The following QDPR variants were observed in gnomAD, a reference collection of about 807,000 sequenced individuals.
QDPR encodes dihydropteridine reductase.
QDPR carries 23 observed loss-of-function variants against 31.7 expected under a neutral mutation model. That is an observed-to-expected ratio of 0.73 (90% CI 0.52 to 1.03). QDPR has a LOEUF of 1.03. QDPR is among the 50% of genes least tolerant of loss of function. The pLI, the probability that QDPR is intolerant of heterozygous loss-of-function variation, is 0.00. For missense variants in QDPR, 324 were observed against 323.8 expected (o/e 1.00, Z 0.00); for synonymous variants, 124 against 124.7 (o/e 0.99, Z 0.03).
intron 4 of QDPR, among the ~76,000 whole-genome samples, chr4:17,500,661 T>C (rs1718529563): frequency 6.6e-6 from 1 of 152,186 alleles, no homozygotes; most frequent in African/African-American, 2.4e-5. Flanking sequence ...TCCAGACTTT[T>C]AGCCTCCAGA....
intron 1 of QDPR, chr4:17,509,947 G>A (rs1718946106): frequency 2.2e-6 from 1 of 456,068 alleles, no homozygotes. Context: ...AGGCTTTGCT[G>A]GCCATATGGT....
intron 2 of QDPR, 109 bp downstream of exon 2, chr4:17,509,161 GA>G: frequency 2.3e-5 from 21 of 912,750 alleles, no homozygotes; most frequent in East Asian, 5.2e-5. Flanking sequence ...CCGTCTCGGG[GA>G]AAAAAAGAAA....
At chr4:17,505,030 A>G (rs962964857) in intron 2 of QDPR, among the ~76,000 whole-genome samples, 1 of 152,190 alleles carries the variant, frequency 6.6e-6, no homozygotes. Flanking sequence ...TATTAAGTAC[A>G]TGGGGGTTCA....
chr4:17,491,642 G>A (rs1718167797), intron 5 of QDPR, among the ~76,000 whole-genome samples: 1 of 151,944 alleles, frequency 6.6e-6, no homozygotes, highest in South Asian at 2.1e-4. Context: ...GAAATGAAGG[G>A]AGAAAAGAAA....
At chr4:17,508,714 T>C (rs1044449766) in intron 2 of QDPR, among the ~76,000 whole-genome samples, 3 of 20,550 alleles carry the variant, frequency 1.5e-4, no homozygotes, top group Admixed American at 1.8e-3. Flanking sequence ...ACATACAATA[T>C]GCATAGAAAA....
At chr4:17,497,232 C>G (rs1718392973) in intron 4 of QDPR, among the ~76,000 whole-genome samples, 2 of 152,046 alleles carry the variant, frequency 1.3e-5, no homozygotes, top group Admixed American at 6.6e-5. Flanking sequence ...CTTTTAGTGC[C>G]ATGTGAATTT....
chr4:17,507,334 G>A (rs767445686), intron 2 of QDPR, among the ~76,000 whole-genome samples: 83 of 152,260 alleles, frequency 5.5e-4, no homozygotes, highest in Non-Finnish European at 9.4e-4. Context: ...GGAAAATAAG[G>A]CGCTTCACAT....
At chr4:17,494,900 C>A (rs780259647) in intron 4 of QDPR, among the ~76,000 whole-genome samples, 5 of 152,180 alleles carry the variant, frequency 3.3e-5, no homozygotes, top group East Asian at 1.9e-4. Context: ...CAAGGCTCTG[C>A]TGAGGATGGA....
intron 4 of QDPR, chr4:17,492,601 C>T (rs1388906848): frequency 3.8e-5 from 20 of 530,770 alleles, no homozygotes; most frequent in Admixed American, 2.9e-4. Context: ...CACAGGCCAC[C>T]GGTGCATCCA....
rs187452383 is a variant in QDPR at position 17,500,646 on chromosome 4, T to C, written c.436+1073A>G. 2.8e-4 allele frequency among the ~76,000 whole-genome samples: 43 copies of C among 152,322 alleles called. No individual in the cohort carries two copies. The East Asian group carries it at 6.2e-3, about 22-fold the overall frequency. On this transcript the variant is annotated intron_variant, in intron 4 of 6. Transcript: ENST00000281243. Reference sequence around the variant, plus strand: ...GAAGGAGCCAGCCCTGCAGATACCTTGATCTCCAGACTTTTAGCCTCCAGA... The same window carrying C: ...GAAGGAGCCAGCCCTGCAGATACCTCGATCTCCAGACTTTTAGCCTCCAGA...
chr4:17,496,903 A>C (rs9995626), intron 4 of QDPR, among the ~76,000 whole-genome samples: 5,635 of 152,138 alleles, frequency 0.037, 367 homozygotes, highest in African/African-American at 0.13. Flanking sequence ...ATTACAGGTG[A>C]CTGCCACAAC....
At position 17,486,862 on chromosome 4, in the gene QDPR, G is replaced by T; in HGVS notation, c.*269C>A. 1 of 486,964 alleles carries T rather than the reference G, an allele frequency of 2.1e-6. No homozygotes were observed. Among genetic ancestry groups the T allele is most frequent in the Non-Finnish European group, 3.7e-6 (1 of 267,684 alleles). The allele number at this position is 486,964 out of a possible 1,614,324, so 30.2% of individuals were successfully genotyped here. A position where few individuals can be genotyped will look rare whatever the true frequency, so the allele number is the denominator to read the frequency against. On this transcript the variant is annotated 3_prime_UTR_variant, in exon 7 of 7. Coordinates refer to ENST00000281243, the MANE Select transcript of QDPR (RefSeq NM_000320.3). ...CACAAAAGCGATCCAACATGACACC[G>T]CTATAGCAGGTGCTATGCAGAGCCC...
At chr4:17,509,992 AC>A (rs1718949148) in intron 1 of QDPR, 1 of 456,166 alleles carries the variant, frequency 2.2e-6, no homozygotes, top group East Asian at 6.9e-5. Context: ...TTGTAACAGA[AC>A]ACAGCAATAA....
At chr4:17,506,469 T>A (rs1718791552) in intron 2 of QDPR, among the ~76,000 whole-genome samples, 1 of 152,180 alleles carries the variant, frequency 6.6e-6, no homozygotes, top group South Asian at 2.1e-4. Flanking sequence ...GAAACTATTT[T>A]GCTTTAAGGC....
intron 2 of QDPR, among the ~76,000 whole-genome samples, chr4:17,508,633 TAAA>T (rs34858847): frequency 7.9e-6 from 1 of 127,096 alleles, no homozygotes; most frequent in Non-Finnish European, 1.7e-5. Context: ...TATTTAAGTA[TAAA>T]AAAAAAAAAA....
In QDPR at chr4:17,512,072, G is replaced by C. The variant is rs1045761449; in HGVS notation, c.-18C>G. On this transcript the variant is annotated 5_prime_UTR_variant, in exon 1 of 7. Transcript: ENST00000281243. ...GCCGCCATCCTGCTCCTGCCAGCCCGGCTCCCGCAGCTCCGAATGCCTCGA... is the reference window on the plus strand; with the variant it reads ...GCCGCCATCCTGCTCCTGCCAGCCCCGCTCCCGCAGCTCCGAATGCCTCGA... 6 of 1,570,784 alleles carry C rather than the reference G, an allele frequency of 3.8e-6. No homozygotes were observed. Among genetic ancestry groups the C allele is most frequent in the South Asian group, 2.3e-5 (2 of 87,394 alleles).
At position 17,509,256 on chromosome 4, in the gene QDPR, C is replaced by A; in HGVS notation, c.198+15G>T. On this transcript the variant is annotated intron_variant, in intron 2 of 6. Coordinates refer to ENST00000281243, the MANE Select transcript of QDPR (RefSeq NM_000320.3). ...GGGTTCCCCTCACAATGTTTGGGGG[C>A]CTTTTTGAAACTACCTGGTCAGCCT... is the stretch of plus-strand genomic sequence containing the variant. The A allele has an allele frequency of 6.2e-7, 1 of 1,607,444 alleles. No individual in the cohort carries two copies. Among genetic ancestry groups the A allele is most frequent in the Non-Finnish European group, 8.5e-7 (1 of 1,174,038 alleles).
intron 4 of QDPR, among the ~76,000 whole-genome samples, chr4:17,493,907 C>G (rs1291633190): frequency 6.6e-6 from 1 of 152,192 alleles, no homozygotes; most frequent in East Asian, 1.9e-4. Flanking sequence ...TCAGTATAAA[C>G]TCAGGTGTGA....
chr4:17,495,111 G>A (rs1718305289), intron 4 of QDPR, among the ~76,000 whole-genome samples: 1 of 152,146 alleles, frequency 6.6e-6, no homozygotes, highest in Non-Finnish European at 1.5e-5. Context: ...TATCATAGAT[G>A]ATTCCTCTCC....
Sources: gnomAD v4.1 joint callset for allele counts (sites outside exome capture counted in the v4.1 genomes callset) on GRCh38, gnomAD v4.1.1 for gene constraint, MANE v1.5 for transcripts, NCBI Gene and HGNC (gene_info 2026-07-23, HGNC 2026-07-21) for gene names.